NAV2: variants seen among roughly 807,000 people sequenced by gnomAD.
NAV2 encodes the protein neuron navigator 2.
Under a neutral mutation model 223.2 loss-of-function variants are expected in NAV2, and 54 were observed. The ratio of observed to expected loss-of-function variants is 0.24; its 90% confidence interval spans 0.19 to 0.30. The LOEUF is 0.30. Ranked by LOEUF, NAV2 falls within the 10% of genes least tolerant of loss-of-function variation. NAV2 has a pLI of 1.00. For missense variants in NAV2, 2,806 were observed against 3,147.5 expected (o/e 0.89, Z 2.60); for synonymous variants, 1,279 against 1,239.3 (o/e 1.03, Z -0.67).
At chr11:19,973,646 T>C (rs572097523) in intron 10 of NAV2, among the ~76,000 whole-genome samples, 1 of 152,328 alleles carries the variant, frequency 6.6e-6, no homozygotes, top group South Asian at 2.1e-4. Flanking sequence ...AGCATTGCCA[T>C]GAGCCACTGC....
chr11:19,984,470 G>A (rs1330274725), intron 11 of NAV2, among the ~76,000 whole-genome samples: 1 of 152,192 alleles, frequency 6.6e-6, no homozygotes, highest in African/African-American at 2.4e-5. Context: ...GCTTCTGACA[G>A]CAGTAACACA....
At chr11:19,653,503 A>G (rs1008901492) in intron 1 of NAV2, among the ~76,000 whole-genome samples, 2 of 152,192 alleles carry the variant, frequency 1.3e-5, no homozygotes, top group African/African-American at 4.8e-5. Flanking sequence ...CATTTTGCAG[A>G]TAAGAAAACT....
In NAV2 at chr11:19,705,994, C is replaced by T. The variant is rs1043656892; in HGVS notation, c.76-126490C>T. Among the ~76,000 whole-genome samples the T allele has an allele frequency of 3.9e-5, 6 of 152,242 alleles. No individual in the cohort carries two copies. The East Asian group carries it at 1.2e-3, about 29-fold the overall frequency. ...AATGCTCACTAATGTATCTCTAAGA[C>T]CATATACTCAGAGGACCTCTTGAGC... On this transcript the variant is annotated intron_variant, in intron 1 of 37. Transcript: ENST00000360655.
chr11:19,610,302 TAA>T (rs2033526832), intron 1 of NAV2, among the ~76,000 whole-genome samples: 1 of 152,056 alleles, frequency 6.6e-6, no homozygotes, highest in African/African-American at 2.4e-5. Context: ...TTAAAATATA[TAA>T]GTTAACAAAA....
At chr11:19,492,033 A>G (rs1048008458) in intron 1 of NAV2, among the ~76,000 whole-genome samples, 5 of 152,282 alleles carry the variant, frequency 3.3e-5, no homozygotes, top group East Asian at 1.9e-4. Context: ...CAAAACATAT[A>G]TAACATTTAT....
rs1189300698 is a variant in NAV2, at chr11:20,045,615, A to G, written c.3847A>G (p.Thr1283Ala). ...AAQPVSSPAQ[T>A]SLQPGAKYPD... ...CCAGCCTGTGTCCAGTCCGGCTCAG[A>G]CCAGTCTCCAGCCTGGAGCCAAGTA... is the stretch of plus-strand genomic sequence containing the variant. The change falls in exon 14 of 38, where the codon ACC (threonine) becomes GCC (alanine). Residue 1283 changes from threonine to alanine, a missense_variant. By Grantham distance (58) the Thr-to-Ala change is moderately conservative. This residue lies in a region of NAV2 where 742 missense variants were observed against 777.9 expected (regional missense o/e 0.95). Transcript: ENST00000349880. 6.2e-7 allele frequency: 1 copy of G among 1,614,066 alleles called. No homozygotes were observed. The highest frequency in any genetic ancestry group is 1.1e-5 in the South Asian group (1 of 91,090).
At chr11:20,108,304 CT>C (rs1308387535) in intron 36 of NAV2, among the ~76,000 whole-genome samples, 1 of 152,136 alleles carries the variant, frequency 6.6e-6, no homozygotes, top group Non-Finnish European at 1.5e-5. Flanking sequence ...GAATCCATGC[CT>C]TCTGGGTCAA....
chr11:19,539,933 A>G (rs2044295621), intron 1 of NAV2, among the ~76,000 whole-genome samples: 1 of 152,064 alleles, frequency 6.6e-6, no homozygotes, highest in African/African-American at 2.4e-5. Flanking sequence ...TCTCTTATTC[A>G]AGCTTGGGCT....
chr11:19,708,899 TAAAAAAAAA>T (rs77460734), upstream of NAV2, among the ~76,000 whole-genome samples: 1 of 114,568 alleles, frequency 8.7e-6, no homozygotes, highest in African/African-American at 3.2e-5. Context: ...ATGCATATAG[TAAAAAAAAA>T]AAAAAAAGAA....
At chr11:19,847,891 G>A (rs1431762031) in intron 3 of NAV2, among the ~76,000 whole-genome samples, 1 of 152,152 alleles carries the variant, frequency 6.6e-6, no homozygotes, top group Admixed American at 6.5e-5. Context: ...CGATAATGAA[G>A]ATTTCTTTCA....
chr11:19,873,583 G>T (rs1437643785), intron 4 of NAV2, among the ~76,000 whole-genome samples: 3 of 152,102 alleles, frequency 2.0e-5, no homozygotes, highest in African/African-American at 7.2e-5. Flanking sequence ...TGGGTTTGCT[G>T]CCCTGATGGC....
intron 6 of NAV2, among the ~76,000 whole-genome samples, chr11:19,899,940 C>T (rs1269427123): frequency 6.6e-6 from 1 of 152,080 alleles, no homozygotes; most frequent in East Asian, 1.9e-4. Flanking sequence ...GTAGGGCCTC[C>T]CTTGGTCATC....
intron 1 of NAV2, among the ~76,000 whole-genome samples, chr11:19,609,471 G>A (rs548128861): frequency 3.9e-4 from 60 of 152,294 alleles, no homozygotes; most frequent in African/African-American, 1.3e-3. Flanking sequence ...AGCAGGTGAA[G>A]GGAGGGTGAA....
chr11:19,391,611 G>T (rs1849251641), intron 1 of NAV2, among the ~76,000 whole-genome samples: 1 of 152,110 alleles, frequency 6.6e-6, no homozygotes, highest in Non-Finnish European at 1.5e-5. Flanking sequence ...TTTTAAATTT[G>T]GGTGTTGCTA....
chr11:19,969,585 G>T (rs935305381), intron 10 of NAV2, among the ~76,000 whole-genome samples: 4 of 152,024 alleles, frequency 2.6e-5, no homozygotes, highest in South Asian at 2.1e-4. Flanking sequence ...AAACTATGGG[G>T]TTTTTTTCCT....
rs368067691 is a variant in NAV2, at chr11:19,638,396, A to G, written c.76-194088A>G. On this transcript the variant is annotated intron_variant, in intron 1 of 37. Coordinates refer to the NAV2 transcript ENST00000360655. ...GAGAAAGCAGAACTTTCTGGAAGCA[A>G]TAATGTGAAGGAGTAAGACATATGT... is the stretch of plus-strand genomic sequence containing the variant. 2.3e-4 allele frequency among the ~76,000 whole-genome samples: 35 copies of G among 152,360 alleles called. No homozygotes were observed. The South Asian group carries it at 6.8e-3, about 30-fold the overall frequency.
At chr11:20,058,765 G>T (rs1315905738) in intron 19 of NAV2, among the ~76,000 whole-genome samples, 1 of 152,212 alleles carries the variant, frequency 6.6e-6, no homozygotes, top group Non-Finnish European at 1.5e-5. Context: ...CCTATTCACT[G>T]AAATGTGAAA....
chr11:19,979,851 G>A lies in NAV2; in HGVS notation c.2646-4274G>A, dbSNP rs531326593. Among the ~76,000 whole-genome samples the A allele has an allele frequency of 5.3e-5, 8 of 152,284 alleles. No individual in the cohort carries two copies. In the South Asian group the frequency reaches 8.3e-4, roughly 16 times the overall value. ...ACTAGAAGAAATTGCGCTGAAATGC[G>A]ACAGTTGGGATTTGAACTCACCTGC... On this transcript the variant is annotated intron_variant, in intron 10 of 37. Coordinates refer to ENST00000349880, the MANE Select transcript of NAV2 (RefSeq NM_145117.5).
chr11:19,738,706 T>C (rs2052544922), intron 1 of NAV2, among the ~76,000 whole-genome samples: 1 of 152,152 alleles, frequency 6.6e-6, no homozygotes, highest in South Asian at 2.1e-4. Flanking sequence ...ACACAGGTTT[T>C]AGTGTTTGGG....
Sources: allele counts gnomAD v4.1 joint callset (sites outside exome capture counted in the v4.1 genomes callset), GRCh38; gene constraint gnomAD v4.1.1; regional missense constraint gnomAD v4.1.1; transcripts MANE v1.5; gene names NCBI Gene and HGNC (gene_info 2026-07-23, HGNC 2026-07-21).